Variants in WDR17 observed in about 807,000 individuals in gnomAD.
WDR17 encodes the protein WD repeat domain 17.
Under a neutral mutation model 161.7 loss-of-function variants are expected in WDR17, and 143 were observed. That is an observed-to-expected ratio of 0.88 (90% CI 0.77 to 1.02). WDR17 has a LOEUF of 1.02. Among genes scored for constraint, WDR17 ranks in the 50% least tolerant of loss-of-function variants. The pLI, the probability that WDR17 is intolerant of heterozygous loss-of-function variation, is 0.00. For missense variants in WDR17, 1,469 were observed against 1,520.9 expected (o/e 0.97, Z 0.57); for synonymous variants, 517 against 515.6 (o/e 1.00, Z -0.04).
intron 1 of WDR17, among the ~76,000 whole-genome samples, chr4:176,107,837 CCTTCCTTCCTTCCTTTTTTT>C (rs995865603): frequency 4.7e-5 from 7 of 150,298 alleles, no homozygotes; most frequent in Admixed American, 2.0e-4. Context: ...TCCTTCCTTT[CCTTCCTTCCTTCCTTTTTTT>C]CTTCCTTCCT....
intron 18 of WDR17, among the ~76,000 whole-genome samples, chr4:176,158,709 A>G (rs1748542402): frequency 6.6e-6 from 1 of 152,164 alleles, no homozygotes. Flanking sequence ...TTTAGTGGGG[A>G]AGGAAAAGGA....
chr4:176,179,350 T>G, intron 28 of WDR17, 110 bp from the exon 29 acceptor site: 1 of 1,199,076 alleles, frequency 8.3e-7, no homozygotes, highest in Non-Finnish European at 1.1e-6. Context: ...TTATTAGCTT[T>G]GCCTAAATAT....
intron 1 of WDR17, among the ~76,000 whole-genome samples, chr4:176,092,525 T>A (rs1344164460): frequency 2.6e-5 from 4 of 152,070 alleles, no homozygotes; most frequent in Admixed American, 2.6e-4. Context: ...GTTTTGGAAA[T>A]CCTAGCTAGA....
intron 11 of WDR17, among the ~76,000 whole-genome samples, chr4:176,143,389 G>T (rs1428665707): frequency 6.6e-6 from 1 of 151,896 alleles, no homozygotes; most frequent in African/African-American, 2.4e-5. Flanking sequence ...TCTTGGCCAG[G>T]TATGGTGGCT....
rs749151981 is a variant in WDR17, at chr4:176,173,366, CTGAG to C, written c.3347+3_3347+6del. The C allele has an allele frequency of 3.9e-4, 616 of 1,598,010 alleles. No homozygotes were observed. Among genetic ancestry groups the C allele is most frequent in the Non-Finnish European group, 2.9e-4 (336 of 1,170,630 alleles). On this transcript the variant is annotated splice_donor_variant and coding_sequence_variant, in exon 25 of 29. Coordinates refer to ENST00000508596, the MANE Select transcript of WDR17 (RefSeq NM_181265.4). LOFTEE classifies it high-confidence loss of function. Reference sequence around the variant, plus strand: ...GAAAAATTACTCTTGCATACGTGTACTGAGTGAGTATTTTTTCTGCAAAATATAT... The same window carrying C: ...GAAAAATTACTCTTGCATACGTGTACTGAGTATTTTTTCTGCAAAATATAT...
intron 26 of WDR17, among the ~76,000 whole-genome samples, chr4:176,176,437 C>A (rs963916796): frequency 2.6e-5 from 4 of 152,110 alleles, no homozygotes; most frequent in African/African-American, 9.7e-5. Flanking sequence ...TTTTCCTCCT[C>A]TCCATCCCAC....
intron 7 of WDR17, among the ~76,000 whole-genome samples, chr4:176,133,925 C>T (rs1743962671): frequency 1.3e-5 from 2 of 151,722 alleles, no homozygotes; most frequent in African/African-American, 4.8e-5. Flanking sequence ...GAAACATTTA[C>T]AATTTTGTTC....
Position 176,150,574 on chromosome 4 carries a change from A to C in WDR17, c.2285A>C (p.His762Pro), listed in dbSNP as rs1225268597. The stretch of plus-strand genomic sequence containing the variant: ...TGCAAAGGAATAATGCACTTGAAAC[A>C]TCTGATTAAATTTAGAACAGTGAGT... ...NYCKGIMHLK[H>P]LIKFRTSEAQ... The change falls in exon 16 of 29, where the codon CAT becomes CCT. Residue 762 changes from histidine (H) to proline (P), a missense_variant. Coordinates refer to ENST00000508596, the MANE Select transcript of WDR17 (RefSeq NM_181265.4). 2 of 1,604,694 alleles carry C rather than the reference A, an allele frequency of 1.2e-6. No homozygotes were observed. The highest frequency in any genetic ancestry group is 2.3e-5 in the South Asian group (2 of 87,980).
chr4:176,114,676 T>A (rs1740309097), intron 2 of WDR17, among the ~76,000 whole-genome samples: 1 of 151,628 alleles, frequency 6.6e-6, no homozygotes. Context: ...ATAGGTAAAA[T>A]TTTCAGAAAG....
At position 176,111,704 on chromosome 4, in the gene WDR17, G is replaced by A; in HGVS notation, c.123+1G>A. ...GACCCTGGCTATCTATATTTATCAG[G>A]TAAAATAATAATTCTTTTCCATTTT... On this transcript the variant is annotated splice_donor_variant, in intron 2 of 28. Coordinates refer to ENST00000508596, the MANE Select transcript of WDR17 (RefSeq NM_181265.4). LOFTEE classifies it high-confidence loss of function. 1.3e-6 allele frequency: 2 copies of A among 1,556,776 alleles called. No homozygotes were observed. The highest frequency in any genetic ancestry group is 1.7e-6 in the Non-Finnish European group (2 of 1,151,482).
Position 176,149,961 on chromosome 4 carries a change from G to T in WDR17, c.2047+5G>T. 1 of 1,612,046 alleles carries T rather than the reference G, an allele frequency of 6.2e-7. No homozygotes were observed. ...AAGAAATTATTGGGAACACTGGTAT[G>T]GAACATATACATGTATTAGAGTTTA... On this transcript the variant is annotated splice_donor_5th_base_variant and intron_variant, in intron 14 of 28. Coordinates refer to ENST00000508596, the MANE Select transcript of WDR17 (RefSeq NM_181265.4).
rs397837505 is a variant in WDR17 at position 176,152,294 on chromosome 4, C to CAAAAAAA, written c.2460+341_2460+347dup. Among the ~76,000 whole-genome samples the CAAAAAAA allele has an allele frequency of 3.6e-3, 258 of 72,110 alleles. 7 individuals carry two copies. Among genetic ancestry groups the CAAAAAAA allele is most frequent in the African/African-American group, 0.012 (231 of 18,594 alleles). 47.3% of individuals were successfully genotyped at this position (72,110 alleles called of 152,430 possible). A position where few individuals can be genotyped will look rare whatever the true frequency, so the allele number is the denominator to read the frequency against. On this transcript the variant is annotated intron_variant, in intron 17 of 28. Transcript: ENST00000508596. ...TGGGCTACAGAAAGAGACCCTATCT[C>CAAAAAAA]AAAAAAAAAAAAAAAAAAAAGCCTG...
chr4:176,146,050 A>G lies in WDR17; in HGVS notation c.1585A>G (p.Thr529Ala), dbSNP rs745630846. ...DTNVRVYYVA[T>A]SSDQPLKVFS... ...AAATGTTCGTGTTTATTATGTAGCC[A>G]CCAGCTCAGATCAACCATTGAAAGT... is the stretch of plus-strand genomic sequence containing the variant. The change falls in exon 12 of 29, where the codon ACC (threonine) becomes GCC (alanine). Residue 529 changes from threonine to alanine, a missense_variant. By Grantham distance (58) the Thr-to-Ala change is moderately conservative. Coordinates refer to ENST00000508596, the MANE Select transcript of WDR17 (RefSeq NM_181265.4). The G allele has an allele frequency of 2.5e-6, 4 of 1,614,064 alleles. No individual in the cohort carries two copies. The Admixed American group carries it at 6.7e-5, about 27-fold the overall frequency.
intron 22 of WDR17, among the ~76,000 whole-genome samples, chr4:176,165,917 A>T (rs887692893): frequency 2.0e-5 from 3 of 152,202 alleles, no homozygotes; most frequent in Non-Finnish European, 4.4e-5. Context: ...TGTGGTGCTG[A>T]TTAGCTTTAC....
At chr4:176,107,850 C>T (rs1441261167) in intron 1 of WDR17, among the ~76,000 whole-genome samples, 1 of 149,612 alleles carries the variant, frequency 6.7e-6, no homozygotes, top group Non-Finnish European at 1.5e-5. Context: ...TCCTTCCTTC[C>T]TTTTTTTCTT....
intron 20 of WDR17, 102 bp downstream of exon 20, chr4:176,161,104 T>C (rs1579228959): frequency 2.3e-6 from 2 of 855,284 alleles, no homozygotes; most frequent in East Asian, 2.8e-5. Context: ...TACTGATGAC[T>C]TGACTGCCTC....
rs1744622350 is a variant in WDR17 at position 176,137,595 on chromosome 4, T to C, written c.1343T>C (p.Ile448Thr). ...TGGAATGTTCAAAAGGGCAAAATTA[T>C]ACAACGATTTAATGAGGTAAGATTT... ...FIWNVQKGKI[I>T]QRFNEHGTNG... Residue 448 changes from isoleucine to threonine, a missense_variant, in exon 9 of 29, where the codon ATA (isoleucine) becomes ACA (threonine). Transcript: ENST00000508596. The C allele has an allele frequency of 6.3e-7, 1 of 1,593,274 alleles. No homozygotes were observed. The highest frequency in any genetic ancestry group is 1.3e-5 in the African/African-American group (1 of 74,596).
chr4:176,135,070 T>A (rs764693252), intron 7 of WDR17, 38 bp from the exon 8 acceptor site: 2 of 1,594,022 alleles, frequency 1.3e-6, no homozygotes, highest in East Asian at 2.2e-5. Flanking sequence ...ATGTGAATTT[T>A]CCTCAATAAT....
chr4:176,119,920 GTT>G lies in WDR17; in HGVS notation c.363_364del (p.Ser122ProfsTer15). 1 of 1,614,040 alleles carries G rather than the reference GTT, an allele frequency of 6.2e-7. No individual in the cohort carries two copies. Among genetic ancestry groups the G allele is most frequent in the Admixed American group, 1.7e-5 (1 of 60,018 alleles). On this transcript the variant is annotated frameshift_variant, in exon 4 of 29. Coordinates refer to ENST00000508596, the MANE Select transcript of WDR17 (RefSeq NM_181265.4). LOFTEE classifies it high-confidence loss of function. The part of the protein sequence containing the change: ...CWNAEDVVAF[V>X]SHRGPLFIWT... The stretch of plus-strand genomic sequence containing the variant: ...GAATGCAGAGGATGTGGTGGCATTT[GTT>G]TCCCACAGAGGCCCACTGTTCATTT...
Sources: gnomAD v4.1 joint callset for allele counts (sites outside exome capture counted in the v4.1 genomes callset) on GRCh38, gnomAD v4.1.1 for gene constraint, MANE v1.5 for transcripts, NCBI Gene and HGNC (gene_info 2026-07-23, HGNC 2026-07-21) for gene names.